Variants in PACRG observed in about 807,000 individuals in gnomAD.
PACRG encodes the protein parkin coregulated gene protein.
In PACRG, 29 loss-of-function variants were observed where a neutral mutation model predicts 29.7. The ratio of observed to expected loss-of-function variants is 0.98; its 90% CI spans 0.73 to 1.33. The LOEUF (loss-of-function observed/expected upper bound fraction) is 1.33. Ranked by LOEUF, PACRG falls within the 40% of genes most tolerant of loss-of-function variation. The pLI is 0.00. For synonymous variants in PACRG, 116 were observed against 118.7 expected, an observed-to-expected ratio of 0.98 and a Z score of 0.15; for missense variants, 279 against 316.2, an observed-to-expected ratio of 0.88 and a Z score of 0.89.
intron 4 of PACRG, among the ~76,000 whole-genome samples, chr6:163,237,311 A>C (rs967927406): frequency 6.6e-6 from 1 of 152,082 alleles, no homozygotes; most frequent in African/African-American, 2.4e-5. Flanking sequence ...TGTTCCATAA[A>C]ATATATTGGG....
intron 4 of PACRG, among the ~76,000 whole-genome samples, chr6:163,205,725 C>T (rs1054210898): frequency 6.6e-6 from 1 of 152,072 alleles, no homozygotes; most frequent in Non-Finnish European, 1.5e-5. Context: ...CCTAATTAAA[C>T]TAAAGAGCTT....
At chr6:163,218,264 C>T (rs1009439026) in intron 4 of PACRG, among the ~76,000 whole-genome samples, 9 of 152,212 alleles carry the variant, frequency 5.9e-5, no homozygotes, top group African/African-American at 2.2e-4. Context: ...AATCTCTGTG[C>T]AGTTATCTAA....
intron 1 of PACRG, among the ~76,000 whole-genome samples, chr6:162,779,698 G>A (rs1490456744): frequency 6.6e-6 from 1 of 152,190 alleles, no homozygotes; most frequent in African/African-American, 2.4e-5. Flanking sequence ...AGTATTGAGA[G>A]TATTTATTTG....
At chr6:163,006,333 A>C (rs964393072) in intron 2 of PACRG, among the ~76,000 whole-genome samples, 1 of 150,616 alleles carries the variant, frequency 6.6e-6, no homozygotes, top group Admixed American at 6.6e-5. Context: ...GAGTCTTATG[A>C]ACACGAATAT....
chr6:162,877,865 T>C (rs1793503969), intron 2 of PACRG, among the ~76,000 whole-genome samples: 1 of 152,200 alleles, frequency 6.6e-6, no homozygotes, highest in South Asian at 2.1e-4. Context: ...TTCATGGTCT[T>C]TCCCTTTATA....
intron 2 of PACRG, among the ~76,000 whole-genome samples, chr6:162,852,007 G>A (rs1338671411): frequency 8.5e-6 from 1 of 117,730 alleles, no homozygotes; most frequent in East Asian, 2.9e-4. Context: ...GAGGGAGGGA[G>A]GAAGGAAGGA....
chr6:163,114,137 C>G (rs754685767), intron 4 of PACRG, among the ~76,000 whole-genome samples: 1 of 152,216 alleles, frequency 6.6e-6, no homozygotes, highest in East Asian at 1.9e-4. Context: ...GTAATCCCAG[C>G]TACTTGGGTG....
chr6:162,996,149 C>A (rs1804026745), intron 2 of PACRG, among the ~76,000 whole-genome samples: 2 of 152,186 alleles, frequency 1.3e-5, no homozygotes, highest in Non-Finnish European at 2.9e-5. Flanking sequence ...CATGCACACA[C>A]ACACCACACA....
At chr6:162,761,975 C>A (rs578038546) in intron 1 of PACRG, among the ~76,000 whole-genome samples, 1,455 of 124,348 alleles carry the variant, frequency 0.012, 10 homozygotes, top group Non-Finnish European at 0.019. Flanking sequence ...CAAAAAAAAA[C>A]CCCTGAGTGA....
intron 2 of PACRG, among the ~76,000 whole-genome samples, chr6:163,038,118 G>T (rs1808374632): frequency 6.6e-6 from 1 of 152,164 alleles, no homozygotes; most frequent in African/African-American, 2.4e-5. Context: ...AGGAGACTGA[G>T]GTGAGTTGCC....
intron 4 of PACRG, among the ~76,000 whole-genome samples, chr6:163,199,253 T>C (rs1355245263): frequency 6.6e-6 from 1 of 152,200 alleles, no homozygotes; most frequent in African/African-American, 2.4e-5. Flanking sequence ...ATAAGAATGA[T>C]AAAATGTTTC....
chr6:163,253,950 C>A (rs370181080), intron 4 of PACRG, among the ~76,000 whole-genome samples: 1 of 152,136 alleles, frequency 6.6e-6, no homozygotes, highest in African/African-American at 2.4e-5. Flanking sequence ...CCAGGGTGGA[C>A]GGCTGCAGTG....
intron 2 of PACRG, among the ~76,000 whole-genome samples, chr6:162,972,039 C>T (rs1025831629): frequency 1.3e-5 from 2 of 152,274 alleles, no homozygotes; most frequent in African/African-American, 2.4e-5. Flanking sequence ...CTCTGACCTC[C>T]GCATGAGGAT....
intron 4 of PACRG, among the ~76,000 whole-genome samples, chr6:163,140,918 T>C (rs1187635359): frequency 6.6e-6 from 1 of 152,098 alleles, no homozygotes; most frequent in East Asian, 1.9e-4. Context: ...AGGATGGAGG[T>C]TAACGGCATC....
intron 4 of PACRG, among the ~76,000 whole-genome samples, chr6:163,198,968 A>G (rs1780586161): frequency 6.6e-6 from 1 of 152,186 alleles, no homozygotes; most frequent in Non-Finnish European, 1.5e-5. Context: ...AGGCCACAGG[A>G]GATGAAATGA....
chr6:163,269,944 AAAGAAAGAAAGAAAG>A (rs1562350098), intron 4 of PACRG, among the ~76,000 whole-genome samples: 17 of 36,284 alleles, frequency 4.7e-4, no homozygotes, highest in East Asian at 3.4e-3. Context: ...AGAAAGAAAG[AAAGAAAGAAAGAAAG>A]AAAGAAAGAA....
At chr6:162,803,684 G>A (rs1786072300) in intron 1 of PACRG, among the ~76,000 whole-genome samples, 1 of 151,958 alleles carries the variant, frequency 6.6e-6, no homozygotes, top group African/African-American at 2.4e-5. Context: ...ACATTAATGA[G>A]GAAAAGACAT....
intron 1 of PACRG, among the ~76,000 whole-genome samples, chr6:162,769,425 G>C (rs919129951): frequency 1.3e-5 from 2 of 151,954 alleles, no homozygotes; most frequent in African/African-American, 4.8e-5. Context: ...TAAACTGTTA[G>C]GGAGGTTAAA....
In PACRG at chr6:163,202,710, A is replaced by G. The variant is rs536453140; in HGVS notation, c.614-112117A>G. Among the ~76,000 whole-genome samples, 3 of 152,300 alleles carry G rather than the reference A, an allele frequency of 2.0e-5. No homozygotes were observed. The East Asian group carries it at 5.8e-4, about 29-fold the overall frequency. On this transcript the variant is annotated intron_variant, in intron 4 of 4. Coordinates refer to ENST00000366888, the MANE Select transcript of PACRG (RefSeq NM_001080379.2). The stretch of plus-strand genomic sequence containing the variant: ...ATCTTGGATTGATTCCTTGCTTGCA[A>G]TTTATCTAAGCAATCCATACCAAAA...
Sources: gnomAD v4.1 joint callset for allele counts (sites outside exome capture counted in the v4.1 genomes callset) on GRCh38, gnomAD v4.1.1 for gene constraint, MANE v1.5 for transcripts, NCBI Gene and HGNC (gene_info 2026-07-23, HGNC 2026-07-21) for gene names.